Variants in TMEM260 observed in about 807,000 individuals in gnomAD.
TMEM260 encodes the protein transmembrane protein 260, also known as protein O-mannosyl-transferase TMEM260.
TMEM260 carries 82 observed loss-of-function variants against 88.9 expected under a neutral mutation model. That is an observed-to-expected ratio of 0.92 (90% CI 0.77 to 1.11). TMEM260 has a LOEUF of 1.11. Among genes scored for constraint, TMEM260 ranks in the 50% least tolerant of loss-of-function variants. The probability of loss-of-function intolerance (pLI) is 0.00; values close to 1 mark genes in which losing one functional copy is unlikely to be tolerated. For synonymous variants in TMEM260, 314 were observed against 309.3 expected (o/e 1.02, Z -0.16); for missense variants, 902 against 853.4 (o/e 1.06, Z -0.71).
chr14:56,639,946 G>A (rs577011961), intron 15 of TMEM260, among the ~76,000 whole-genome samples: 13 of 152,262 alleles, frequency 8.5e-5, no homozygotes, highest in East Asian at 5.8e-4. Flanking sequence ...AGGGGTGCCC[G>A]CCATTGCTGA....
intron 15 of TMEM260, among the ~76,000 whole-genome samples, chr14:56,637,422 A>G (rs1349783585): frequency 6.6e-6 from 1 of 152,172 alleles, no homozygotes; most frequent in Non-Finnish European, 1.5e-5. Context: ...AGACACAGCC[A>G]CGCTGAAGGT....
At chr14:56,593,645 G>T (rs1033027904) in intron 3 of TMEM260, among the ~76,000 whole-genome samples, 6 of 118,458 alleles carry the variant, frequency 5.1e-5, no homozygotes, top group African/African-American at 1.8e-4. Flanking sequence ...GTCAAAACTT[G>T]ATTTTGATTA....
chr14:56,648,069 C>T lies in TMEM260; in HGVS notation c.*572C>T, dbSNP rs1199149001. ...TTGTGTTTTACTGTCTTAGATCGTT[C>T]TTGGAAATCACTAAAAAAAAAAAAA... is the stretch of plus-strand genomic sequence containing the variant. On this transcript the variant is annotated 3_prime_UTR_variant, in exon 16 of 16. Coordinates refer to ENST00000261556, the MANE Select transcript of TMEM260 (RefSeq NM_017799.4). The T allele has an allele frequency of 6.6e-6, 1 of 150,978 alleles. No individual in the cohort carries two copies. The highest frequency in any genetic ancestry group is 2.1e-4 in the South Asian group (1 of 4,782). The allele number at this position is 150,978 out of a possible 1,614,324, so 9.4% of individuals were successfully genotyped here. A position where few individuals can be genotyped will look rare whatever the true frequency, so the allele number is the denominator to read the frequency against.
chr14:56,642,152 G>GAT (rs1439253156), intron 15 of TMEM260, among the ~76,000 whole-genome samples: 11 of 152,244 alleles, frequency 7.2e-5, no homozygotes, highest in African/African-American at 2.6e-4. Flanking sequence ...TCTGCACGAA[G>GAT]CGGACCTAAT....
chr14:56,632,309 A>G (rs977996381), intron 12 of TMEM260, among the ~76,000 whole-genome samples: 16 of 152,130 alleles, frequency 1.1e-4, no homozygotes, highest in Non-Finnish European at 1.2e-4. Context: ...GGACAGAGAG[A>G]AAAAGCAATG....
chr14:56,657,309 T>TTA, the TMEM260 span, among the ~76,000 whole-genome samples: 2 of 152,082 alleles, frequency 1.3e-5, no homozygotes, highest in African/African-American at 2.4e-5. Context: ...CACTTTTTTT[T>TTA]TTACTTTTTT....
chr14:56,616,207 A>G (rs145374953), intron 8 of TMEM260, 180 bp downstream of exon 8: 35 of 512,270 alleles, frequency 6.8e-5, no homozygotes, highest in Admixed American at 3.8e-4. Context: ...AAATAAATCA[A>G]TGATTTCAAG....
rs551685778 is a variant in TMEM260 at position 56,622,326 on chromosome 14, G to A, written c.1398+624G>A. Among the ~76,000 whole-genome samples the A allele has an allele frequency of 5.5e-3, 806 of 145,718 alleles. 2 individuals are homozygous for A. Among genetic ancestry groups the A allele is most frequent in the Non-Finnish European group, 8.9e-3 (591 of 66,596 alleles). ...TCACTGCACTCCAGCCTGGGCAACAGGGCGAGACTCCGTCTCAAAAAAAAA... is the reference window on the plus strand; with the variant it reads ...TCACTGCACTCCAGCCTGGGCAACAAGGCGAGACTCCGTCTCAAAAAAAAA... On this transcript the variant is annotated intron_variant, in intron 11 of 15. Coordinates refer to ENST00000261556, the MANE Select transcript of TMEM260 (RefSeq NM_017799.4).
chr14:56,640,630 C>A (rs1027042162), intron 15 of TMEM260, among the ~76,000 whole-genome samples: 1 of 152,236 alleles, frequency 6.6e-6, no homozygotes, highest in Admixed American at 6.5e-5. Context: ...AGCAATGGAA[C>A]AAAGCTGGAC....
chr14:56,624,621 C>T (rs567682608), intron 11 of TMEM260, among the ~76,000 whole-genome samples: 1 of 152,002 alleles, frequency 6.6e-6, no homozygotes, highest in East Asian at 1.9e-4. Flanking sequence ...GTGCTAGGTG[C>T]AGATACACAG....
chr14:56,629,873 A>AAAAAAT (rs921474091), intron 12 of TMEM260, among the ~76,000 whole-genome samples: 1 of 152,060 alleles, frequency 6.6e-6, no homozygotes, highest in Non-Finnish European at 1.5e-5. Context: ...TGTCGCTACA[A>AAAAAAT]AAAAATAAAA....
the TMEM260 span, among the ~76,000 whole-genome samples, chr14:56,656,446 C>T: frequency 2.0e-5 from 3 of 152,044 alleles, no homozygotes; most frequent in Non-Finnish European, 2.9e-5. Flanking sequence ...AAATAAAGCT[C>T]TGTGTGGCTT....
At chr14:56,653,122 C>T (rs960552659), downstream of TMEM260, among the ~76,000 whole-genome samples, 4 of 151,952 alleles carry the variant, frequency 2.6e-5, no homozygotes, top group African/African-American at 4.8e-5. Flanking sequence ...GGCGAAACCC[C>T]GTCTCTACTA....
chr14:56,644,166 C>T (rs1230221111), intron 15 of TMEM260, among the ~76,000 whole-genome samples: 2 of 152,136 alleles, frequency 1.3e-5, no homozygotes, highest in East Asian at 3.9e-4. Context: ...CTTTAAAGTT[C>T]ATATGGAACC....
chr14:56,620,702 G>A (rs1887863029), intron 10 of TMEM260, among the ~76,000 whole-genome samples: 1 of 152,120 alleles, frequency 6.6e-6, no homozygotes, highest in Admixed American at 6.6e-5. Flanking sequence ...TGTTCCTAGA[G>A]GTGTTCATTT....
chr14:56,632,335 C>G (rs1594877906), intron 12 of TMEM260, among the ~76,000 whole-genome samples: 1 of 152,170 alleles, frequency 6.6e-6, no homozygotes, highest in Non-Finnish European at 1.5e-5. Flanking sequence ...TTGCCCCACA[C>G]TCTTGGAAGC....
intron 3 of TMEM260, among the ~76,000 whole-genome samples, chr14:56,600,630 A>C (rs373962410): frequency 6.6e-6 from 1 of 152,196 alleles, no homozygotes; most frequent in Non-Finnish European, 1.5e-5. Flanking sequence ...CTTCAGTGAG[A>C]TGCCACTTCA....
chr14:56,635,861 T>C (rs1485362936), intron 14 of TMEM260, among the ~76,000 whole-genome samples: 1 of 149,128 alleles, frequency 6.7e-6, no homozygotes, highest in African/African-American at 2.4e-5. Context: ...ATATATATAC[T>C]ATAGTTTATG....
intron 12 of TMEM260, 90 bp downstream of exon 12, chr14:56,625,620 A>C: frequency 1.0e-6 from 1 of 972,292 alleles, no homozygotes; most frequent in Non-Finnish European, 1.5e-6. Context: ...CCAAAAGACC[A>C]ATTTTCTCTG....
Sources: gnomAD v4.1 joint callset for allele counts (sites outside exome capture counted in the v4.1 genomes callset) on GRCh38, gnomAD v4.1.1 for gene constraint, MANE v1.5 for transcripts, NCBI Gene and HGNC (gene_info 2026-07-23, HGNC 2026-07-21) for gene names.